KAT6B: variants seen among roughly 807,000 people sequenced by gnomAD.
KAT6B encodes the protein histone acetyltransferase KAT6B.
KAT6B carries 10 observed loss-of-function variants against 187.5 expected under a neutral mutation model. That is an observed-to-expected ratio of 0.05 (90% confidence interval 0.03 to 0.09). KAT6B has a LOEUF of 0.09. Among genes scored for constraint, KAT6B ranks in the 10% least tolerant of loss-of-function variants. KAT6B has a pLI of 1.00. For synonymous variants in KAT6B, 861 were observed against 926.8 expected (o/e 0.93, Z 1.29); for missense variants, 1,952 against 2,558.9 (o/e 0.76, Z 5.12).
intron 3 of KAT6B, among the ~76,000 whole-genome samples, chr10:74,858,873 T>C (rs1008757487): frequency 9.9e-5 from 15 of 151,422 alleles, no homozygotes; most frequent in African/African-American, 3.6e-4. Context: ...GAGAATCGCT[T>C]GAACCTTGGA....
intron 3 of KAT6B, among the ~76,000 whole-genome samples, chr10:74,921,474 C>T (rs982315984): frequency 4.6e-5 from 7 of 152,116 alleles, no homozygotes. Context: ...TGAACTGTCC[C>T]TTGCTGTTTT....
At chr10:74,922,198 G>GT (rs1461398290) in intron 3 of KAT6B, among the ~76,000 whole-genome samples, 1 of 152,212 alleles carries the variant, frequency 6.6e-6, no homozygotes, top group Non-Finnish European at 1.5e-5. Flanking sequence ...TTTAAAGCAT[G>GT]TTTGAATATA....
chr10:74,912,604 ATCCC>A (rs1460108981), intron 3 of KAT6B, among the ~76,000 whole-genome samples: 2 of 152,176 alleles, frequency 1.3e-5, no homozygotes, highest in Non-Finnish European at 2.9e-5. Context: ...GCTTTCTCCT[ATCCC>A]TCCCTCTTTC....
chr10:75,010,667 G>T (rs972790286), intron 13 of KAT6B, among the ~76,000 whole-genome samples: 1 of 152,094 alleles, frequency 6.6e-6, no homozygotes, highest in African/African-American at 2.4e-5. Context: ...TCCCAAACCT[G>T]GTTCTGAAAT....
intron 13 of KAT6B, among the ~76,000 whole-genome samples, chr10:75,011,866 C>T (rs888724671): frequency 3.9e-5 from 6 of 152,180 alleles, no homozygotes; most frequent in African/African-American, 7.2e-5. Flanking sequence ...TCCTCCCCTG[C>T]GTCAGTTCAG....
intron 3 of KAT6B, among the ~76,000 whole-genome samples, chr10:74,877,480 A>G (rs1844507733): frequency 6.6e-6 from 1 of 152,172 alleles, no homozygotes; most frequent in Admixed American, 6.5e-5. Context: ...GACTCCCTTT[A>G]TTGCAGTTTT....
chr10:74,876,771 G>GGCA (rs1844442837), intron 3 of KAT6B, among the ~76,000 whole-genome samples: 1 of 151,592 alleles, frequency 6.6e-6, no homozygotes, highest in South Asian at 2.1e-4. Flanking sequence ...AAATTAGCTG[G>GGCA]GCATGGTGGC....
chr10:74,945,563 G>A (rs10465981), intron 3 of KAT6B, among the ~76,000 whole-genome samples: 46,820 of 151,980 alleles, frequency 0.31, 12,972 homozygotes, highest in African/African-American at 0.73. Flanking sequence ...CCTGGGTTCG[G>A]GAGATTCTTC....
intron 14 of KAT6B, 141 bp downstream of exon 14, chr10:75,020,954 A>C: frequency 2.1e-6 from 2 of 973,202 alleles, no homozygotes; most frequent in Non-Finnish European, 3.2e-6. Context: ...AAAATAACAC[A>C]TGAAATGACA....
chr10:75,022,567 G>A (rs1267180314), intron 16 of KAT6B, among the ~76,000 whole-genome samples: 1 of 152,154 alleles, frequency 6.6e-6, no homozygotes, highest in Non-Finnish European at 1.5e-5. Flanking sequence ...CCAAGACCTA[G>A]AGGCCAGGAG....
chr10:74,975,323 G>T, intron 7 of KAT6B, 76 bp from the exon 8 acceptor site: 2 of 1,182,586 alleles, frequency 1.7e-6, no homozygotes. Flanking sequence ...GCATCTAGTT[G>T]CAATAAATTT....
At chr10:74,959,006 C>T (rs1366936523) in intron 3 of KAT6B, among the ~76,000 whole-genome samples, 5 of 150,948 alleles carry the variant, frequency 3.3e-5, no homozygotes, top group Non-Finnish European at 7.4e-5. Context: ...CCATTGCACT[C>T]CAGGCTGGCG....
chr10:75,028,691 G>A lies in KAT6B; in HGVS notation c.3867G>A (p.Val1289=). ...TPMEPDEQVT[V]EEQKETSEGK... ...TGGAGCCTGACGAGCAGGTAACAGT[G>A]GAAGAACAGAAGGAGACTTCAGAAG... The change falls in exon 18 of 18, where the codon GTG becomes GTA. Residue 1289 remains valine (V), a synonymous_variant. Coordinates refer to ENST00000287239, the MANE Select transcript of KAT6B (RefSeq NM_012330.4). The A allele has an allele frequency of 6.2e-7, 1 of 1,614,002 alleles. No homozygotes were observed. Among genetic ancestry groups the A allele is most frequent in the Non-Finnish European group, 8.5e-7 (1 of 1,180,032 alleles).
At position 75,029,690 on chromosome 10, in the gene KAT6B, G is replaced by A. The variant is rs774389245; in HGVS notation, c.4866G>A (p.Leu1622=). The A allele has an allele frequency of 6.2e-7, 1 of 1,614,126 alleles. No homozygotes were observed. Among genetic ancestry groups the A allele is most frequent in the South Asian group, 1.1e-5 (1 of 91,066 alleles). ...RSVNSPSVPA[L]ENSYAQISPD... is the part of the protein sequence containing the mutation. ...TCAACAGCCCAAGTGTCCCTGCTCT[G>A]GAAAACAGCTACGCCCAAATCAGCC... Residue 1622 remains leucine, a synonymous_variant, in exon 18 of 18, where the codon CTG becomes CTA. Coordinates refer to ENST00000287239, the MANE Select transcript of KAT6B (RefSeq NM_012330.4). This position sits in a 1 kb window ranked among gnomAD's most constrained non-coding sequence, Gnocchi z 6.2.
intron 4 of KAT6B, among the ~76,000 whole-genome samples, chr10:74,963,214 A>G (rs1841224440): frequency 6.6e-6 from 1 of 152,236 alleles, no homozygotes; most frequent in Non-Finnish European, 1.5e-5. Flanking sequence ...ACTTTCATGG[A>G]TCAGCCTACT....
At chr10:74,942,541 A>G (rs999482298) in intron 3 of KAT6B, among the ~76,000 whole-genome samples, 2 of 151,930 alleles carry the variant, frequency 1.3e-5, no homozygotes, top group African/African-American at 4.8e-5. Context: ...GGAGGCAAGC[A>G]GATCACCTGA....
intron 16 of KAT6B, 146 bp downstream of exon 16, chr10:75,022,377 A>G (rs1161364147): frequency 1.0e-6 from 1 of 964,998 alleles, no homozygotes; most frequent in East Asian, 2.4e-5. Context: ...ATATATCATA[A>G]TCGTTTATCT....
chr10:75,001,063 C>A (rs1843799523), intron 13 of KAT6B, among the ~76,000 whole-genome samples: 1 of 152,210 alleles, frequency 6.6e-6, no homozygotes, highest in Middle Eastern at 3.4e-3. Context: ...CCCCTGCCCC[C>A]CACACACATA....
chr10:74,883,311 C>T (rs1442064362), intron 3 of KAT6B, among the ~76,000 whole-genome samples: 1 of 152,118 alleles, frequency 6.6e-6, no homozygotes, highest in Non-Finnish European at 1.5e-5. Context: ...GGAGAAGATA[C>T]AGTTTGATTT....
Sources: gnomAD v4.1 joint callset for allele counts (sites outside exome capture counted in the v4.1 genomes callset) on GRCh38, gnomAD v4.1.1 for gene constraint, Gnocchi (gnomAD v3.1) non-coding constraint, MANE v1.5 for transcripts, NCBI Gene and HGNC (gene_info 2026-07-23, HGNC 2026-07-21) for gene names.